The following HMGCLL1 variants were observed in gnomAD, a reference collection of about 807,000 sequenced individuals.
HMGCLL1 encodes the protein 3-hydroxymethyl-3-methylglutaryl-CoA lyase, cytoplasmic.
HMGCLL1 carries 36 observed loss-of-function variants against 39.1 expected under a neutral mutation model. That is an observed-to-expected ratio of 0.92 (90% CI 0.71 to 1.22). The LOEUF (loss-of-function observed/expected upper bound fraction) is 1.22, where lower values mean the gene tolerates loss of function less well. HMGCLL1 is among the 50% of genes most tolerant of loss of function. The pLI is 0.00. For synonymous variants in HMGCLL1, 149 were observed against 144.0 expected, an observed-to-expected ratio of 1.03 and a Z score of -0.25; for missense variants, 451 against 416.5, an observed-to-expected ratio of 1.08 and a Z score of -0.72.
At chr6:55,607,455 T>C in the HMGCLL1 span, among the ~76,000 whole-genome samples, 1 of 152,146 alleles carries the variant, frequency 6.6e-6, no homozygotes. Flanking sequence ...CTGCACTAGC[T>C]TCTGGGGATG....
At chr6:55,580,605 C>T (rs1561975628), upstream of HMGCLL1, among the ~76,000 whole-genome samples, 1 of 151,606 alleles carries the variant, frequency 6.6e-6, no homozygotes. Flanking sequence ...TTAGTAGAGA[C>T]GGGGTTTCAC....
chr6:55,514,479 T>A (rs973918685), intron 4 of HMGCLL1, among the ~76,000 whole-genome samples: 2 of 152,204 alleles, frequency 1.3e-5, no homozygotes, highest in Admixed American at 1.3e-4. Flanking sequence ...AAATTATGTA[T>A]TATCTTCAGA....
At chr6:55,645,671 C>A in the HMGCLL1 span, among the ~76,000 whole-genome samples, 1 of 151,604 alleles carries the variant, frequency 6.6e-6, no homozygotes, top group Non-Finnish European at 1.5e-5. Context: ...GGTTTTTGCC[C>A]CTCATTCTAT....
intron 7 of HMGCLL1, among the ~76,000 whole-genome samples, chr6:55,493,762 T>G (rs1282908357): frequency 6.6e-6 from 1 of 151,864 alleles, no homozygotes; most frequent in Non-Finnish European, 1.5e-5. Context: ...AGAAGGAGTC[T>G]TGCTCTGTCG....
chr6:55,563,978 A>T (rs1771092327), intron 1 of HMGCLL1: 3 of 748,926 alleles, frequency 4.0e-6, no homozygotes, highest in Middle Eastern at 2.9e-4. Flanking sequence ...CTACCTCAAC[A>T]TTCAGCACGT....
the HMGCLL1 span, among the ~76,000 whole-genome samples, chr6:55,633,689 C>T: frequency 3.3e-5 from 5 of 151,910 alleles, no homozygotes; most frequent in Non-Finnish European, 5.9e-5. Context: ...AGTAAACCAA[C>T]GTTGATGAGC....
At chr6:55,532,365 G>T (rs150818832) in intron 3 of HMGCLL1, among the ~76,000 whole-genome samples, 85 of 152,162 alleles carry the variant, frequency 5.6e-4, no homozygotes, top group African/African-American at 1.9e-3. Flanking sequence ...TATAAATTTT[G>T]CTTTTTCTTA....
intron 7 of HMGCLL1, among the ~76,000 whole-genome samples, chr6:55,452,771 T>G (rs1764157145): frequency 6.6e-6 from 1 of 152,214 alleles, no homozygotes; most frequent in Admixed American, 6.5e-5. Context: ...TTTTCCTTTT[T>G]TGTTTACGGT....
the HMGCLL1 span, among the ~76,000 whole-genome samples, chr6:55,637,950 T>C: frequency 6.6e-6 from 1 of 152,128 alleles, no homozygotes; most frequent in African/African-American, 2.4e-5. Flanking sequence ...ACATAATTTG[T>C]ATTATCCATA....
chr6:55,644,905 T>G, the HMGCLL1 span, among the ~76,000 whole-genome samples: 1 of 152,150 alleles, frequency 6.6e-6, no homozygotes, highest in Admixed American at 6.6e-5. Flanking sequence ...CCACATATGT[T>G]TTAACATTGG....
the HMGCLL1 span, among the ~76,000 whole-genome samples, chr6:55,669,748 A>G: frequency 6.6e-6 from 1 of 151,844 alleles, no homozygotes; most frequent in African/African-American, 2.4e-5. Context: ...AGCAGAATGA[A>G]AACGACAGAG....
chr6:55,580,925 G>C (rs6902708), upstream of HMGCLL1, among the ~76,000 whole-genome samples: 102,301 of 152,050 alleles, frequency 0.67, 35,338 homozygotes, highest in East Asian at 0.9. Context: ...TGAAATGGAC[G>C]GTACTGGTTA....
the HMGCLL1 span, among the ~76,000 whole-genome samples, chr6:55,625,855 G>A: frequency 1.2e-4 from 18 of 152,230 alleles, no homozygotes; most frequent in South Asian, 2.1e-3. Flanking sequence ...GCTCACCAGC[G>A]GGTGACATTA....
chr6:55,663,233 G>A, the HMGCLL1 span, among the ~76,000 whole-genome samples: 1 of 151,182 alleles, frequency 6.6e-6, no homozygotes, highest in Admixed American at 6.6e-5. Context: ...TAGTTTTGGG[G>A]TTGATTTTCT....
chr6:55,460,612 G>A (rs1764516924), intron 7 of HMGCLL1, among the ~76,000 whole-genome samples: 1 of 151,668 alleles, frequency 6.6e-6, no homozygotes, highest in Admixed American at 6.6e-5. Context: ...AGAACATGAA[G>A]AAAACATAAT....
chr6:55,621,244 C>T, the HMGCLL1 span, among the ~76,000 whole-genome samples: 2 of 152,108 alleles, frequency 1.3e-5, no homozygotes, highest in Admixed American at 1.3e-4. Flanking sequence ...ATTGATTATT[C>T]CAATACTTTA....
At chr6:55,491,045 T>G (rs1177033402) in intron 7 of HMGCLL1, among the ~76,000 whole-genome samples, 1 of 152,162 alleles carries the variant, frequency 6.6e-6, no homozygotes, top group Non-Finnish European at 1.5e-5. Context: ...CATGTATTGT[T>G]ATCAAGGCAT....
intron 1 of HMGCLL1, among the ~76,000 whole-genome samples, chr6:55,571,545 C>T (rs533460145): frequency 1.0e-3 from 156 of 152,264 alleles, no homozygotes; most frequent in African/African-American, 3.7e-3. Context: ...GTGGCTCACG[C>T]CTGTAATCCC....
chr6:55,670,281 A>C, the HMGCLL1 span, among the ~76,000 whole-genome samples: 1 of 151,850 alleles, frequency 6.6e-6, no homozygotes, highest in Non-Finnish European at 1.5e-5. Flanking sequence ...AAGAGAAATA[A>C]AGATATTCTC....
Sources: allele counts gnomAD v4.1 joint callset (sites outside exome capture counted in the v4.1 genomes callset), GRCh38; gene constraint gnomAD v4.1.1; transcripts MANE v1.5; gene names NCBI Gene and HGNC (gene_info 2026-07-23, HGNC 2026-07-21).